Variants in N4BP2 observed in about 807,000 individuals in gnomAD.
The protein encoded by N4BP2 is NEDD4 binding protein 2.
Under a neutral mutation model 152.8 loss-of-function variants are expected in N4BP2, and 91 were observed. That is an observed-to-expected ratio of 0.60 (90% CI 0.50 to 0.71). The LOEUF is 0.71. N4BP2 is among the 30% of genes least tolerant of loss of function. The pLI is 0.00. For synonymous variants in N4BP2, 646 were observed against 705.3 expected, an observed-to-expected ratio of 0.92 and a Z score of 1.33; for missense variants, 1,923 against 2,059.1, an observed-to-expected ratio of 0.93 and a Z score of 1.28.
intron 14 of N4BP2, among the ~76,000 whole-genome samples, chr4:40,139,301 T>C (rs986678663): frequency 6.6e-6 from 1 of 152,166 alleles, no homozygotes; most frequent in Non-Finnish European, 1.5e-5. Flanking sequence ...TCTTGCTATG[T>C]TGCCCAGACT....
chr4:40,172,617 C>T, the N4BP2 span, among the ~76,000 whole-genome samples: 7 of 152,182 alleles, frequency 4.6e-5, no homozygotes, highest in African/African-American at 1.4e-4. Flanking sequence ...CCTTGCAGCC[C>T]TCAGAAGGCA....
intron 14 of N4BP2, 51 bp from the exon 15 acceptor site, chr4:40,142,622 G>GT (rs550086644): frequency 0.014 from 16,155 of 1,174,986 alleles, no homozygotes; most frequent in South Asian, 0.022. Context: ...TAAGGCATGA[G>GT]TTTTTTTTTT....
In N4BP2 at chr4:40,121,460, G is replaced by T. The variant is rs931028793; in HGVS notation, c.3349G>T (p.Asp1117Tyr). Residue 1117 changes from aspartate to tyrosine, a missense_variant, in exon 9 of 18, where the codon GAT becomes TAT. Transcript: ENST00000261435. ...LKDLYERCNK[D>Y]IIWATSLLLD... ...AGACTTATATGAGAGGTGCAATAAA[G>T]ATATTATTTGGGCCACAAGCCTTTT... 5 of 1,613,928 alleles carry T rather than the reference G, an allele frequency of 3.1e-6. No homozygotes were observed. The highest frequency in any genetic ancestry group is 2.2e-5 in the East Asian group (1 of 44,872).
At position 40,142,866 on chromosome 4, in the gene N4BP2, AG is replaced by A. The variant is rs1465929726; in HGVS notation, c.4974+6del. On this transcript the variant is annotated splice_donor_region_variant and intron_variant, in intron 15 of 17. Coordinates refer to ENST00000261435, the MANE Select transcript of N4BP2 (RefSeq NM_018177.6). ...GCCACCTTTTATGCCCAGCAGGTAA[AG>A]TGGAAAACTGATTATATATTTTTTG... 4.3e-6 allele frequency: 7 copies of A among 1,612,048 alleles called. No homozygotes were observed. The Admixed American group carries it at 1.2e-4, about 27-fold the overall frequency.
chr4:40,084,055 G>A (rs1365344687), intron 2 of N4BP2, among the ~76,000 whole-genome samples: 1 of 152,098 alleles, frequency 6.6e-6, no homozygotes, highest in Non-Finnish European at 1.5e-5. Context: ...CCCCTCCTGG[G>A]TTCTCCTGCC....
intron 13 of N4BP2, among the ~76,000 whole-genome samples, chr4:40,133,842 G>A (rs1197541088): frequency 6.6e-6 from 1 of 152,138 alleles, no homozygotes; most frequent in Admixed American, 6.5e-5. Flanking sequence ...GGATCTTGCT[G>A]TTGCCCAGGC....
chr4:40,146,285 G>GT (rs1232466243), intron 16 of N4BP2, among the ~76,000 whole-genome samples: 2 of 151,986 alleles, frequency 1.3e-5, no homozygotes, highest in Non-Finnish European at 2.9e-5. Flanking sequence ...CTCACCCTGT[G>GT]TTTTTTTCTC....
At chr4:40,070,193 T>C (rs1005156230) in intron 1 of N4BP2, among the ~76,000 whole-genome samples, 1 of 152,188 alleles carries the variant, frequency 6.6e-6, no homozygotes, top group South Asian at 2.1e-4. Flanking sequence ...TCCTGAACCA[T>C]TTAAAAGTAA....
chr4:40,129,622 G>T (rs1201877552), intron 12 of N4BP2, among the ~76,000 whole-genome samples: 1 of 151,820 alleles, frequency 6.6e-6, no homozygotes, highest in Admixed American at 6.6e-5. Context: ...GCCTGAGAAA[G>T]ATAATTTTTT....
chr4:40,102,228 C>G lies in N4BP2; in HGVS notation c.383C>G (p.Ser128Ter), dbSNP rs755464295. ...EKRPEEESED[S>*]KMDSFLDMQL... ...CGTCCTGAAGAAGAGAGTGAAGATT[C>G]AAAAATGGATTCATTTTTGGACATG... is the stretch of plus-strand genomic sequence containing the variant. Residue 128 changes from serine (S) to a stop codon, truncating the protein, a stop_gained, in exon 4 of 18, where the codon TCA becomes TGA. Coordinates refer to ENST00000261435, the MANE Select transcript of N4BP2 (RefSeq NM_018177.6). LOFTEE classifies it high-confidence loss of function. 1.2e-6 allele frequency: 2 copies of G among 1,613,938 alleles called. No homozygotes were observed. The highest frequency in any genetic ancestry group is 1.3e-5 in the African/African-American group (1 of 75,042).
intron 2 of N4BP2, among the ~76,000 whole-genome samples, chr4:40,086,713 A>T (rs959973732): frequency 1.3e-5 from 2 of 151,960 alleles, no homozygotes; most frequent in Non-Finnish European, 2.9e-5. Context: ...AGAAATTTGG[A>T]TTCTAATTAT....
chr4:40,171,231 C>CT, the N4BP2 span, among the ~76,000 whole-genome samples: 1 of 152,246 alleles, frequency 6.6e-6, no homozygotes, highest in Non-Finnish European at 1.5e-5. Context: ...CATGCTGTCA[C>CT]TTTCATCGTT....
chr4:40,178,747 G>C, the N4BP2 span, among the ~76,000 whole-genome samples: 1 of 152,214 alleles, frequency 6.6e-6, no homozygotes, highest in African/African-American at 2.4e-5. Flanking sequence ...AATGTGTAGG[G>C]AACGAACTTC....
the N4BP2 span, among the ~76,000 whole-genome samples, chr4:40,183,593 C>A: frequency 6.6e-6 from 1 of 152,338 alleles, no homozygotes; most frequent in African/African-American, 2.4e-5. Context: ...GCCTCGGCCT[C>A]CCAAAGTGCC....
intron 6 of N4BP2, 98 bp downstream of exon 6, chr4:40,112,270 G>T: frequency 1.3e-6 from 1 of 756,850 alleles, no homozygotes; most frequent in Non-Finnish European, 2.2e-6. Context: ...AAGAATCTCA[G>T]AACCTTGGAT....
the N4BP2 span, among the ~76,000 whole-genome samples, chr4:40,174,349 A>G: frequency 6.6e-6 from 1 of 152,040 alleles, no homozygotes; most frequent in Non-Finnish European, 1.5e-5. Context: ...GAAATTAAAA[A>G]TAGAATTACT....
intron 2 of N4BP2, among the ~76,000 whole-genome samples, chr4:40,092,005 A>ATTTT (rs1479751174): frequency 4.8e-5 from 3 of 62,606 alleles, no homozygotes; most frequent in Non-Finnish European, 8.8e-5. Context: ...AAAAAAAAAA[A>ATTTT]AATTATATAT....
chr4:40,159,512 A>C (rs1721798066), downstream of N4BP2, among the ~76,000 whole-genome samples: 1 of 152,298 alleles, frequency 6.6e-6, no homozygotes, highest in East Asian at 1.9e-4. Context: ...CTACATCTCT[A>C]ACTGTCACAT....
rs1448106059 is a variant in N4BP2, at chr4:40,112,324, A to G, written c.1587+152A>G. 7.7e-6 allele frequency: 4 copies of G among 518,820 alleles called. No individual in the cohort carries two copies. The African/African-American group carries it at 8.0e-5, about 10-fold the overall frequency. 32.1% of individuals were successfully genotyped at this position (518,820 alleles called of 1,614,324 possible). The stretch of plus-strand genomic sequence containing the variant: ...CATTGGTGTTCAGCAAAATGAGGAA[A>G]TTAGGCCATTTAGCTGAGTTTTTCC... On this transcript the variant is annotated intron_variant, in intron 6 of 17. Transcript: ENST00000261435.
Sources: allele counts gnomAD v4.1 joint callset (sites outside exome capture counted in the v4.1 genomes callset), GRCh38; gene constraint gnomAD v4.1.1; transcripts MANE v1.5; gene names NCBI Gene and HGNC (gene_info 2026-07-23, HGNC 2026-07-21).